LUZP2: variants seen among roughly 807,000 people sequenced by gnomAD.
The protein encoded by LUZP2 is leucine zipper protein 2.
Under a neutral mutation model 51.6 loss-of-function variants are expected in LUZP2, and 52 were observed. The ratio of observed to expected loss-of-function variants is 1.01; its 90% CI spans 0.81 to 1.27. The LOEUF (loss-of-function observed/expected upper bound fraction) is 1.27, where lower values mean the gene tolerates loss of function less well. Among genes scored for constraint, LUZP2 ranks in the 50% most tolerant of loss-of-function variants. The probability of loss-of-function intolerance (pLI) is 0.00; values close to 1 mark genes in which losing one functional copy is unlikely to be tolerated. For synonymous variants in LUZP2, 154 were observed against 137.3 expected, an observed-to-expected ratio of 1.12 and a Z score of -0.85; for missense variants, 436 against 395.4, an observed-to-expected ratio of 1.10 and a Z score of -0.87.
chr11:24,725,823 C>A (rs2133959797), intron 1 of LUZP2, among the ~76,000 whole-genome samples: 1 of 152,180 alleles, frequency 6.6e-6, no homozygotes, highest in East Asian at 1.9e-4. Context: ...AAAATAAGGT[C>A]TCTAGGGCAG....
intron 7 of LUZP2, among the ~76,000 whole-genome samples, chr11:24,970,424 A>G (rs932444318): frequency 6.6e-6 from 1 of 152,180 alleles, no homozygotes; most frequent in Admixed American, 6.5e-5. Flanking sequence ...AACCTCAGTG[A>G]AATTTATCAG....
intron 1 of LUZP2, among the ~76,000 whole-genome samples, chr11:24,695,515 A>G (rs1338508775): frequency 6.6e-6 from 1 of 152,064 alleles, no homozygotes; most frequent in African/African-American, 2.4e-5. Context: ...ACGCACTATA[A>G]TACGGTTGAC....
chr11:24,823,298 G>A (rs1286645601), intron 5 of LUZP2, among the ~76,000 whole-genome samples: 2 of 151,818 alleles, frequency 1.3e-5, no homozygotes, highest in African/African-American at 2.4e-5. Flanking sequence ...AAGTCCAAAG[G>A]CACTGAGGTT....
intron 1 of LUZP2, among the ~76,000 whole-genome samples, chr11:24,602,126 G>GTGTATA (rs1853699139): frequency 3.8e-5 from 4 of 105,160 alleles, no homozygotes; most frequent in African/African-American, 1.5e-4. Context: ...ATGTATATAT[G>GTGTATA]TATATGTGTA....
intron 1 of LUZP2, among the ~76,000 whole-genome samples, chr11:24,527,258 A>G (rs1303922159): frequency 6.6e-6 from 1 of 151,386 alleles, no homozygotes; most frequent in Non-Finnish European, 1.5e-5. Context: ...TACTTTGATG[A>G]AAAAGAACAG....
intron 5 of LUZP2, among the ~76,000 whole-genome samples, chr11:24,888,074 G>A (rs900615105): frequency 6.6e-6 from 1 of 152,112 alleles, no homozygotes; most frequent in Non-Finnish European, 1.5e-5. Context: ...ATTATATTTG[G>A]AAATTTTAAA....
intron 1 of LUZP2, among the ~76,000 whole-genome samples, chr11:24,610,051 G>A (rs1351409606): frequency 6.6e-6 from 1 of 152,184 alleles, no homozygotes; most frequent in East Asian, 1.9e-4. Flanking sequence ...TCAAGAAAGA[G>A]ACAGTCAAAG....
At chr11:24,560,489 A>C (rs1186290056) in intron 1 of LUZP2, among the ~76,000 whole-genome samples, 2 of 152,144 alleles carry the variant, frequency 1.3e-5, no homozygotes, top group African/African-American at 4.8e-5. Context: ...ATTATAAAAA[A>C]CTCACTATGG....
At chr11:24,511,983 C>T (rs1024080515) in intron 1 of LUZP2, among the ~76,000 whole-genome samples, 7 of 152,200 alleles carry the variant, frequency 4.6e-5, no homozygotes, top group East Asian at 1.9e-4. Flanking sequence ...TAGCATTTTC[C>T]AAAATTCTCT....
chr11:24,970,890 T>G (rs1855719915), intron 7 of LUZP2, among the ~76,000 whole-genome samples: 1 of 152,180 alleles, frequency 6.6e-6, no homozygotes, highest in Non-Finnish European at 1.5e-5. Context: ...TCTACATTTT[T>G]GTAATTGTTA....
chr11:24,865,128 T>C (rs1851851356), intron 5 of LUZP2, among the ~76,000 whole-genome samples: 1 of 152,130 alleles, frequency 6.6e-6, no homozygotes, highest in Non-Finnish European at 1.5e-5. Flanking sequence ...GAAAAGTCAA[T>C]TTTCAGAGTC....
intron 1 of LUZP2, among the ~76,000 whole-genome samples, chr11:24,588,627 A>G (rs1453023265): frequency 2.7e-5 from 1 of 36,856 alleles, no homozygotes; most frequent in Non-Finnish European, 5.7e-5. Flanking sequence ...AAACAAATAA[A>G]GGAATAATTT....
At position 24,975,650 on chromosome 11, in the gene LUZP2, T is replaced by G. The variant is rs368597302; in HGVS notation, c.523-941T>G. On this transcript the variant is annotated intron_variant, in intron 7 of 11. Coordinates refer to ENST00000336930, the MANE Select transcript of LUZP2 (RefSeq NM_001009909.4). ...ATTCCTAATTTGAACCTGGCTATTA[T>G]GGTGTAGAATAAGTATTGCCATCTC... is the stretch of plus-strand genomic sequence containing the variant. Among the ~76,000 whole-genome samples the G allele has an allele frequency of 5.9e-5, 9 of 152,110 alleles. No homozygotes were observed. In the East Asian group the frequency reaches 7.7e-4, roughly 13 times the overall value.
intron 1 of LUZP2, among the ~76,000 whole-genome samples, chr11:24,672,982 T>A (rs1400146301): frequency 6.6e-6 from 1 of 152,148 alleles, no homozygotes; most frequent in Non-Finnish European, 1.5e-5. Context: ...TGAACCCTAT[T>A]GTGAATGGCA....
intron 1 of LUZP2, among the ~76,000 whole-genome samples, chr11:24,689,317 T>G (rs528620517): frequency 3.9e-5 from 6 of 152,294 alleles, no homozygotes; most frequent in African/African-American, 1.4e-4. Flanking sequence ...GCACAGTGTA[T>G]TTACTGAAGT....
chr11:24,974,820 C>T (rs1855840417), intron 7 of LUZP2, among the ~76,000 whole-genome samples: 1 of 151,864 alleles, frequency 6.6e-6, no homozygotes, highest in South Asian at 2.1e-4. Context: ...ATATCCAAAG[C>T]ATATTGAGCA....
At chr11:25,072,875 T>C (rs1195627892) in intron 10 of LUZP2, among the ~76,000 whole-genome samples, 2 of 152,112 alleles carry the variant, frequency 1.3e-5, no homozygotes, top group African/African-American at 4.8e-5. Context: ...TCAAGTATCT[T>C]TTCTTTCCAA....
At chr11:24,639,678 C>A (rs188302191) in intron 1 of LUZP2, among the ~76,000 whole-genome samples, 3 of 151,842 alleles carry the variant, frequency 2.0e-5, no homozygotes, top group African/African-American at 7.3e-5. Context: ...CTCTAACTCA[C>A]AACCTCATCT....
rs540179619 is a variant in LUZP2 at position 24,534,307 on chromosome 11, C to T, written c.62+37002C>T. ...CATATATATACATACATAGAGAGCA[C>T]ATAAATACATGTATATTTCCATATA... On this transcript the variant is annotated intron_variant, in intron 1 of 11. Coordinates refer to ENST00000336930, the MANE Select transcript of LUZP2 (RefSeq NM_001009909.4). Among the ~76,000 whole-genome samples, 5 of 150,994 alleles carry T rather than the reference C, an allele frequency of 3.3e-5. No homozygotes were observed. In the East Asian group the frequency reaches 9.8e-4, roughly 30 times the overall value.
Sources: gnomAD v4.1 joint callset for allele counts (sites outside exome capture counted in the v4.1 genomes callset) on GRCh38, gnomAD v4.1.1 for gene constraint, MANE v1.5 for transcripts, NCBI Gene and HGNC (gene_info 2026-07-23, HGNC 2026-07-21) for gene names.